NKAIN2: variants seen among roughly 807,000 people sequenced by gnomAD.
NKAIN2 encodes the protein sodium/potassium-transporting ATPase subunit beta-1-interacting protein 2.
A neutral mutation model predicts 32.6 loss-of-function variants in NKAIN2; 14 were observed. The observed-to-expected ratio is 0.43, with a 90% confidence interval of 0.28 to 0.67. NKAIN2 has a LOEUF of 0.67. Among genes scored for constraint, NKAIN2 ranks in the 30% least tolerant of loss-of-function variants. The pLI is 0.17. For synonymous variants in NKAIN2, 80 were observed against 87.2 expected (o/e 0.92, Z 0.46); for missense variants, 198 against 258.3 (o/e 0.77, Z 1.60).
chr6:124,509,343 C>A (rs774380395), intron 3 of NKAIN2, among the ~76,000 whole-genome samples: 52 of 152,176 alleles, frequency 3.4e-4, no homozygotes, highest in Non-Finnish European at 6.5e-4. Context: ...CCTAGAGAAC[C>A]GAAAGAAGAC....
chr6:123,885,748 CCAAT>C (rs1773682229), intron 1 of NKAIN2, among the ~76,000 whole-genome samples: 1 of 151,884 alleles, frequency 6.6e-6, no homozygotes, highest in Admixed American at 6.6e-5. Context: ...AAGTAGCCTG[CCAAT>C]CAGAGGTCAT....
chr6:124,254,067 G>A (rs886111280), intron 1 of NKAIN2, among the ~76,000 whole-genome samples: 3 of 151,678 alleles, frequency 2.0e-5, no homozygotes, highest in Non-Finnish European at 2.9e-5. Context: ...CGCCCGCCTC[G>A]GCCTCCCAAA....
chr6:124,631,203 C>G (rs1311498490), intron 3 of NKAIN2, among the ~76,000 whole-genome samples: 1 of 152,064 alleles, frequency 6.6e-6, no homozygotes. Context: ...TGCCTTGATG[C>G]TGAGAATTTA....
intron 2 of NKAIN2, among the ~76,000 whole-genome samples, chr6:124,334,955 T>A (rs1797807525): frequency 6.6e-6 from 1 of 152,200 alleles, no homozygotes; most frequent in African/African-American, 2.4e-5. Flanking sequence ...TTTTTCACTG[T>A]CATAACTTTC....
chr6:124,463,811 C>T (rs372257597), intron 3 of NKAIN2, among the ~76,000 whole-genome samples: 2 of 151,972 alleles, frequency 1.3e-5, no homozygotes, highest in East Asian at 1.9e-4. Context: ...GATGTTATTG[C>T]TTTTCCAAGT....
intron 6 of NKAIN2, among the ~76,000 whole-genome samples, chr6:124,820,246 G>A (rs1781337847): frequency 6.6e-6 from 1 of 152,066 alleles, no homozygotes; most frequent in African/African-American, 2.4e-5. Flanking sequence ...TATTTAAAAA[G>A]GCAATCAGGA....
intron 1 of NKAIN2, among the ~76,000 whole-genome samples, chr6:124,088,767 T>C (rs1415463253): frequency 6.6e-6 from 1 of 152,072 alleles, no homozygotes; most frequent in East Asian, 1.9e-4. Context: ...TTTATCAACA[T>C]TGTTTTGTTT....
intron 3 of NKAIN2, among the ~76,000 whole-genome samples, chr6:124,458,894 G>T (rs1170116822): frequency 6.6e-6 from 1 of 151,776 alleles, no homozygotes; most frequent in African/African-American, 2.4e-5. Flanking sequence ...ATGGGAGAAA[G>T]AATCTGCTTC....
chr6:124,249,800 A>T (rs1793609546), intron 1 of NKAIN2, among the ~76,000 whole-genome samples: 1 of 152,108 alleles, frequency 6.6e-6, no homozygotes, highest in African/African-American at 2.4e-5. Flanking sequence ...CAGAAGTTAA[A>T]ACTTAGAGCT....
At chr6:124,208,999 A>C (rs1010501169) in intron 1 of NKAIN2, among the ~76,000 whole-genome samples, 1 of 151,396 alleles carries the variant, frequency 6.6e-6, no homozygotes, top group African/African-American at 2.4e-5. Flanking sequence ...AATTATTTTA[A>C]AATATGCCAT....
intron 3 of NKAIN2, among the ~76,000 whole-genome samples, chr6:124,464,214 G>A (rs73580504): frequency 6.6e-6 from 1 of 151,980 alleles, no homozygotes; most frequent in Non-Finnish European, 1.5e-5. Flanking sequence ...TCTTGAACTT[G>A]TGACCTCAAG....
intron 1 of NKAIN2, among the ~76,000 whole-genome samples, chr6:123,845,420 A>C (rs1002386561): frequency 1.3e-5 from 2 of 152,234 alleles, no homozygotes; most frequent in African/African-American, 4.8e-5. Flanking sequence ...GAGATTTAAC[A>C]ATTTTTGCTC....
chr6:124,300,847 GGT>G (rs1291143072), intron 2 of NKAIN2, among the ~76,000 whole-genome samples: 1 of 152,044 alleles, frequency 6.6e-6, no homozygotes, highest in Non-Finnish European at 1.5e-5. Flanking sequence ...GAAATTTCTA[GGT>G]GTCAAAGTGT....
chr6:124,093,110 GCTTA>G (rs1784501786), intron 1 of NKAIN2, among the ~76,000 whole-genome samples: 1 of 152,052 alleles, frequency 6.6e-6, no homozygotes, highest in South Asian at 2.1e-4. Flanking sequence ...CATTTTTGAA[GCTTA>G]CTTAAAACTA....
chr6:124,461,700 C>T (rs1776537798), intron 3 of NKAIN2, among the ~76,000 whole-genome samples: 1 of 151,634 alleles, frequency 6.6e-6, no homozygotes, highest in Admixed American at 6.6e-5. Context: ...AGAATATCAA[C>T]AATAGTTAAT....
At chr6:124,038,673 G>A (rs749293716) in intron 1 of NKAIN2, among the ~76,000 whole-genome samples, 18 of 152,054 alleles carry the variant, frequency 1.2e-4, no homozygotes, top group South Asian at 2.1e-4. Flanking sequence ...CACCTACTCC[G>A]AATTTAGCTT....
chr6:124,002,109 A>G (rs1779901415), intron 1 of NKAIN2, among the ~76,000 whole-genome samples: 1 of 152,086 alleles, frequency 6.6e-6, no homozygotes, highest in African/African-American at 2.4e-5. Context: ...TTCAATAAAA[A>G]TGTTAATATA....
intron 1 of NKAIN2, among the ~76,000 whole-genome samples, chr6:124,132,104 A>G (rs2114269064): frequency 6.6e-6 from 1 of 152,298 alleles, no homozygotes; most frequent in African/African-American, 2.4e-5. Context: ...GACCTTGCCA[A>G]CTGAATGAGA....
chr6:124,377,907 C>T (rs914285743), intron 3 of NKAIN2, among the ~76,000 whole-genome samples: 1 of 152,098 alleles, frequency 6.6e-6, no homozygotes, highest in Non-Finnish European at 1.5e-5. Flanking sequence ...CTCCAGCCTC[C>T]TTTCTCTTAT....
Sources: gnomAD v4.1 joint callset for allele counts (sites outside exome capture counted in the v4.1 genomes callset) on GRCh38, gnomAD v4.1.1 for gene constraint, MANE v1.5 for transcripts, NCBI Gene and HGNC (gene_info 2026-07-23, HGNC 2026-07-21) for gene names.